DNAH11: variants seen among roughly 807,000 people sequenced by gnomAD.
The protein encoded by DNAH11 is dynein axonemal heavy chain 11.
DNAH11 carries 442 observed loss-of-function variants against 526.0 expected under a neutral mutation model. That is an observed-to-expected ratio of 0.84 (90% CI 0.78 to 0.91). DNAH11 has a LOEUF of 0.91. DNAH11 is among the 40% of genes least tolerant of loss of function. The probability of loss-of-function intolerance (pLI) is 0.00; values close to 1 mark genes in which losing one functional copy is unlikely to be tolerated. For synonymous variants in DNAH11, 2,461 were observed against 1,935.9 expected (o/e 1.27, Z -7.12); for missense variants, 6,989 against 5,448.7 (o/e 1.28, Z -8.90).
chr7:21,818,519 T>C (rs1035397001), intron 65 of DNAH11, among the ~76,000 whole-genome samples, 180 bp downstream of exon 65: 1 of 152,166 alleles, frequency 6.6e-6, no homozygotes, highest in Non-Finnish European at 1.5e-5. Context: ...TCAGACTATT[T>C]ATTTGATGGA....
intron 20 of DNAH11, among the ~76,000 whole-genome samples, chr7:21,611,113 C>T (rs957766904): frequency 2.0e-5 from 3 of 152,038 alleles, no homozygotes; most frequent in Non-Finnish European, 2.9e-5. Context: ...ACCTGCAGTG[C>T]GGGTGGGCAT....
At chr7:21,598,987 T>C (rs553449152) in intron 14 of DNAH11, among the ~76,000 whole-genome samples, 4 of 152,368 alleles carry the variant, frequency 2.6e-5, no homozygotes, top group African/African-American at 9.6e-5. Flanking sequence ...CAGTGTATCA[T>C]TGATAGGCAC....
At chr7:21,678,245 G>A (rs553581898) in intron 30 of DNAH11, among the ~76,000 whole-genome samples, 2 of 149,526 alleles carry the variant, frequency 1.3e-5, no homozygotes, top group Non-Finnish European at 3.0e-5. Flanking sequence ...AGTTTTTTTT[G>A]TGTGTGTATA....
chr7:21,698,819 T>C (rs1027657094), intron 36 of DNAH11, among the ~76,000 whole-genome samples: 1 of 152,210 alleles, frequency 6.6e-6, no homozygotes, highest in African/African-American at 2.4e-5. Flanking sequence ...ACTTTTCCTC[T>C]GGGCAGATAC....
rs929649472 is a variant in DNAH11 at position 21,884,097 on chromosome 7, AT to A, written c.12388-193del. Among the ~76,000 whole-genome samples the A allele has an allele frequency of 6.6e-5, 10 of 152,356 alleles. No homozygotes were observed. The East Asian group carries it at 1.9e-3, about 29-fold the overall frequency. ...CAATGTTAGTGAATTTTCACTGACT[AT>A]ATTAGAAGACACTGAAAATAATTCT... On this transcript the variant is annotated intron_variant, in intron 75 of 81. Transcript: ENST00000409508.
intron 55 of DNAH11, among the ~76,000 whole-genome samples, chr7:21,769,642 G>A (rs563753306): frequency 2.6e-5 from 4 of 151,938 alleles, no homozygotes; most frequent in Admixed American, 6.6e-5. Context: ...ACACCACCAC[G>A]CCCTGCTAAT....
intron 2 of DNAH11, among the ~76,000 whole-genome samples, chr7:21,546,215 CT>C (rs1337412206): frequency 6.6e-6 from 1 of 151,958 alleles, no homozygotes; most frequent in African/African-American, 2.4e-5. Flanking sequence ...CTTCTTCTGT[CT>C]TTTTGAAGGG....
At chr7:21,681,426 C>CAAA in intron 30 of DNAH11, 120 bp from the exon 31 acceptor site, 3 of 878,160 alleles carry the variant, frequency 3.4e-6, no homozygotes, top group Non-Finnish European at 4.7e-6. Context: ...GACTCCATCT[C>CAAA]AAAAAAAAAA....
rs373584572 is a variant in DNAH11, at chr7:21,664,932, T to C, written c.5328+5901T>C. On this transcript the variant is annotated intron_variant, in intron 30 of 81. Coordinates refer to ENST00000409508, the MANE Select transcript of DNAH11 (RefSeq NM_001277115.2). ...TGAAATGGGAACATTTCTGTCCCCA[T>C]GTGGCAATTTAAACCTCAGCTCCAG... Among the ~76,000 whole-genome samples, 16 of 152,226 alleles carry C rather than the reference T, an allele frequency of 1.1e-4. 1 individual carries two copies. In the South Asian group the frequency reaches 3.3e-3, roughly 32 times the overall value.
intron 80 of DNAH11, 119 bp from the exon 81 acceptor site, chr7:21,899,861 C>CAATGCCCAA: frequency 7.9e-7 from 1 of 1,262,976 alleles, no homozygotes; most frequent in Non-Finnish European, 1.1e-6. Context: ...AGCCATGTGC[C>CAATGCCCAA]AATGCCCAAG....
chr7:21,557,498 G>C (rs1328745219), intron 2 of DNAH11, among the ~76,000 whole-genome samples: 1 of 152,130 alleles, frequency 6.6e-6, no homozygotes, highest in Non-Finnish European at 1.5e-5. Flanking sequence ...GTCTTCACAT[G>C]GTGGAAGGGG....
intron 28 of DNAH11, among the ~76,000 whole-genome samples, chr7:21,641,243 T>C (rs752853640): frequency 5.9e-5 from 9 of 152,130 alleles, no homozygotes; most frequent in Non-Finnish European, 1.2e-4. Flanking sequence ...TCCTTGACCT[T>C]AGAGTGGAGG....
At chr7:21,739,496 C>G (rs767239155) in intron 47 of DNAH11, 75 bp from the exon 48 acceptor site, 2 of 1,113,168 alleles carry the variant, frequency 1.8e-6, no homozygotes, top group Admixed American at 2.0e-5. Context: ...CGATGAAGAC[C>G]TTTATGAACT....
intron 69 of DNAH11, among the ~76,000 whole-genome samples, chr7:21,864,034 G>A (rs1365046917): frequency 6.6e-6 from 1 of 152,162 alleles, no homozygotes; most frequent in Non-Finnish European, 1.5e-5. Context: ...TTCACAATGT[G>A]TTTAGTTATA....
chr7:21,851,378 T>C, intron 66 of DNAH11: 3 of 301,904 alleles, frequency 9.9e-6, no homozygotes, highest in South Asian at 9.6e-5. Flanking sequence ...AAATCTCTTT[T>C]CTTTTTAAAT....
intron 68 of DNAH11, among the ~76,000 whole-genome samples, chr7:21,856,218 T>C (rs565287520): frequency 1.3e-4 from 20 of 152,166 alleles, no homozygotes; most frequent in Admixed American, 3.3e-4. Context: ...CAAGAAGCCA[T>C]TGGAAGATTT....
At chr7:21,813,795 C>T (rs965722479) in intron 63 of DNAH11, among the ~76,000 whole-genome samples, 2 of 152,202 alleles carry the variant, frequency 1.3e-5, no homozygotes, top group Non-Finnish European at 2.9e-5. Context: ...TTACAACAGT[C>T]TGACTCTAGA....
intron 55 of DNAH11, 119 bp from the exon 56 acceptor site, chr7:21,773,645 GGT>G: frequency 1.3e-6 from 1 of 751,800 alleles, no homozygotes; most frequent in Non-Finnish European, 2.1e-6. Context: ...AGTTTTCGTA[GGT>G]TATACTATCA....
At chr7:21,832,288 T>G (rs555697862) in intron 65 of DNAH11, among the ~76,000 whole-genome samples, 6 of 152,308 alleles carry the variant, frequency 3.9e-5, no homozygotes, top group African/African-American at 1.4e-4. Context: ...GTCTTTACAA[T>G]TTGGCATGTT....
Sources: gnomAD v4.1 joint callset for allele counts (sites outside exome capture counted in the v4.1 genomes callset) on GRCh38, gnomAD v4.1.1 for gene constraint, MANE v1.5 for transcripts, NCBI Gene and HGNC (gene_info 2026-07-23, HGNC 2026-07-21) for gene names.